The following GLIS1 variants were observed in gnomAD, a reference collection of about 807,000 sequenced individuals.
GLIS1 encodes zinc finger protein GLIS1.
In GLIS1, 24 loss-of-function variants were observed where a neutral mutation model predicts 63.8. That is an observed-to-expected ratio of 0.38 (90% CI 0.27 to 0.53). The LOEUF is 0.53. GLIS1 is among the 20% of genes least tolerant of loss of function. The pLI is 0.85. For missense variants in GLIS1, 1,036 were observed against 1,074.1 expected (o/e 0.96, Z 0.50); for synonymous variants, 450 against 482.5 (o/e 0.93, Z 0.88).
intron 10 of GLIS1, among the ~76,000 whole-genome samples, chr1:53,507,514 C>T (rs1644247591): frequency 6.6e-6 from 1 of 152,194 alleles, no homozygotes; most frequent in African/African-American, 2.4e-5. Context: ...CAGCCCCTGC[C>T]CGAAAGGCCT....
chr1:53,611,747 C>T (rs1645426480), intron 2 of GLIS1, among the ~76,000 whole-genome samples: 1 of 152,200 alleles, frequency 6.6e-6, no homozygotes, highest in African/African-American at 2.4e-5. Flanking sequence ...CAAGCTTCTT[C>T]TTTGCTGACC....
At chr1:53,521,851 G>A (rs1407382680) in intron 6 of GLIS1, among the ~76,000 whole-genome samples, 1 of 152,258 alleles carries the variant, frequency 6.6e-6, no homozygotes, top group Admixed American at 6.5e-5. Context: ...ACTGGGGCAG[G>A]CACCTGGGAA....
intron 2 of GLIS1, among the ~76,000 whole-genome samples, chr1:53,722,524 A>G (rs1459750766): frequency 6.6e-6 from 1 of 152,132 alleles, no homozygotes; most frequent in African/African-American, 2.4e-5. Context: ...ACCTATTCAA[A>G]ATACTTCAAC....
At position 53,600,240 on chromosome 1, in the gene GLIS1, T is replaced by C; in HGVS notation, c.298A>G (p.Lys100Glu). Reference protein sequence around the residue: ...SYGHRTPGSEKSLLDLDLAEG... With the variant: ...SYGHRTPGSEESLLDLDLAEG... Reference sequence around the variant, plus strand: ...GCAAGGTCCAGGTCCAGCAGGCTCTTCTCTGAGCCCGGGGTACGGTGTCCG... The same window carrying C: ...GCAAGGTCCAGGTCCAGCAGGCTCTCCTCTGAGCCCGGGGTACGGTGTCCG... The change falls in exon 3 of 11, where the codon AAG becomes GAG. Residue 100 changes from lysine to glutamate, a missense_variant. Transcript: ENST00000628545. 1 of 1,232,062 alleles carries C rather than the reference T, an allele frequency of 8.1e-7. No individual in the cohort carries two copies. The highest frequency in any genetic ancestry group is 1.0e-6 in the Non-Finnish European group (1 of 987,930). The allele number at this position is 1,232,062 out of a possible 1,614,324, so 76.3% of individuals were successfully genotyped here. A position where few individuals can be genotyped will look rare whatever the true frequency, so the allele number is the denominator to read the frequency against.
intron 2 of GLIS1, among the ~76,000 whole-genome samples, chr1:53,672,419 G>A (rs1027629832): frequency 3.3e-5 from 5 of 152,316 alleles, no homozygotes; most frequent in Middle Eastern, 6.8e-3. Flanking sequence ...CTTCCTATCT[G>A]TTAACTCCTA....
At chr1:53,530,455 A>T (rs1644518404) in intron 4 of GLIS1, among the ~76,000 whole-genome samples, 1 of 152,204 alleles carries the variant, frequency 6.6e-6, no homozygotes, top group African/African-American at 2.4e-5. Flanking sequence ...CTCAAGGCTG[A>T]CATGAGGGCC....
chr1:53,669,369 T>C (rs1023110123), intron 2 of GLIS1, among the ~76,000 whole-genome samples: 4 of 151,760 alleles, frequency 2.6e-5, no homozygotes, highest in African/African-American at 9.7e-5. Flanking sequence ...TGTATATCAC[T>C]ACCAACACAG....
intron 2 of GLIS1, among the ~76,000 whole-genome samples, chr1:53,665,100 A>C (rs930088068): frequency 1.3e-5 from 2 of 152,180 alleles, no homozygotes; most frequent in African/African-American, 4.8e-5. Context: ...GGGAGGCCAG[A>C]CAGGAGGCAG....
chr1:53,552,102 C>T (rs751330496), intron 4 of GLIS1, among the ~76,000 whole-genome samples: 4 of 152,132 alleles, frequency 2.6e-5, no homozygotes, highest in African/African-American at 7.2e-5. Context: ...TCCCTCTAAT[C>T]ACCCCCAAAG....
intron 4 of GLIS1, among the ~76,000 whole-genome samples, chr1:53,561,769 G>T (rs749813008): frequency 2.0e-5 from 3 of 152,196 alleles, no homozygotes; most frequent in Non-Finnish European, 2.9e-5. Context: ...AGGAAGCTTT[G>T]GCCCATGGGA....
chr1:53,703,462 C>A (rs202014681), intron 2 of GLIS1, among the ~76,000 whole-genome samples: 1 of 151,684 alleles, frequency 6.6e-6, no homozygotes, highest in East Asian at 1.9e-4. Flanking sequence ...TATAGCAAGA[C>A]CCCATCTCTA....
In GLIS1 at chr1:53,653,070, TCCTGTGGGCAGGC is replaced by T. The variant is rs139385154; in HGVS notation, c.260-52805_260-52793del. Among the ~76,000 whole-genome samples, 826 of 152,324 alleles carry T rather than the reference TCCTGTGGGCAGGC, an allele frequency of 5.4e-3. 16 individuals are homozygous for T. The highest frequency in any genetic ancestry group is 0.043 in the East Asian group (221 of 5,184). ...TCTCAACACATTCTGATGGTGCATC[TCCTGTGGGCAGGC>T]CCTGTGGGCCCAAAGAGACAAACCC... On this transcript the variant is annotated intron_variant, in intron 2 of 10. Transcript: ENST00000628545.
intron 4 of GLIS1, among the ~76,000 whole-genome samples, chr1:53,530,631 C>T (rs1644520485): frequency 6.6e-6 from 1 of 152,222 alleles, no homozygotes; most frequent in African/African-American, 2.4e-5. Context: ...TAGGCCCACC[C>T]AATGCCCTAG....
intron 2 of GLIS1, among the ~76,000 whole-genome samples, chr1:53,682,628 G>A (rs1646288097): frequency 6.6e-6 from 1 of 152,252 alleles, no homozygotes; most frequent in African/African-American, 2.4e-5. Flanking sequence ...GGGCAATAAC[G>A]CAGAGCCAAG....
At chr1:53,644,051 G>A (rs1410008195) in intron 2 of GLIS1, among the ~76,000 whole-genome samples, 1 of 152,204 alleles carries the variant, frequency 6.6e-6, no homozygotes, top group Non-Finnish European at 1.5e-5. Flanking sequence ...GGCAAAGTGG[G>A]GGAGGGGAGC....
intron 2 of GLIS1, among the ~76,000 whole-genome samples, chr1:53,695,459 G>A (rs768060736): frequency 2.6e-5 from 4 of 152,226 alleles, no homozygotes; most frequent in Non-Finnish European, 2.9e-5. Context: ...CTACGGCAGC[G>A]ACTTGTCTGT....
At chr1:53,738,132 G>T (rs1646931527) in intron 1 of GLIS1, 26 bp from the exon 2 acceptor site, 8 of 1,194,396 alleles carry the variant, frequency 6.7e-6, no homozygotes, top group Non-Finnish European at 7.3e-6. Flanking sequence ...AGCACAGCCA[G>T]TTAGAATGCG....
chr1:53,609,000 CCT>C (rs1163589381), intron 2 of GLIS1, among the ~76,000 whole-genome samples: 5 of 152,300 alleles, frequency 3.3e-5, no homozygotes, highest in African/African-American at 1.2e-4. Context: ...TAAAATGAGA[CCT>C]CTCAGCTAGA....
chr1:53,682,365 G>A (rs528180703), intron 2 of GLIS1, among the ~76,000 whole-genome samples: 1 of 152,386 alleles, frequency 6.6e-6, no homozygotes, highest in South Asian at 2.1e-4. Flanking sequence ...CTGCATCCCT[G>A]CATCCCCGCG....
Sources: gnomAD v4.1 joint callset for allele counts (sites outside exome capture counted in the v4.1 genomes callset) on GRCh38, gnomAD v4.1.1 for gene constraint, MANE v1.5 for transcripts, NCBI Gene and HGNC (gene_info 2026-07-23, HGNC 2026-07-21) for gene names.